The following B3GAT2 variants were observed in gnomAD, a reference collection of about 807,000 sequenced individuals.
The protein encoded by B3GAT2 is beta-1,3-glucuronyltransferase 2, also known as galactosylgalactosylxylosylprotein 3-beta-glucuronosyltransferase 2.
Under a neutral mutation model 27.8 loss-of-function variants are expected in B3GAT2, and 26 were observed. That is an observed-to-expected ratio of 0.93 (90% confidence interval 0.68 to 1.30). B3GAT2 has a LOEUF of 1.30. Ranked by LOEUF, B3GAT2 falls within the 50% of genes most tolerant of loss-of-function variation. The pLI is 0.00. For synonymous variants in B3GAT2, 218 were observed against 195.1 expected (o/e 1.12, Z -0.98); for missense variants, 458 against 459.0 (o/e 1.00, Z 0.02).
intron 1 of B3GAT2, among the ~76,000 whole-genome samples, chr6:70,939,648 CA>C (rs1765355295): frequency 7.0e-6 from 1 of 143,218 alleles, no homozygotes; most frequent in Non-Finnish European, 1.5e-5. Flanking sequence ...ATTGCAAGGA[CA>C]AAAAACCAAC....
intron 2 of B3GAT2, among the ~76,000 whole-genome samples, chr6:70,867,450 G>C (rs1478745509): frequency 1.3e-5 from 2 of 152,010 alleles, no homozygotes; most frequent in Non-Finnish European, 2.9e-5. Context: ...TCAGGAAAAA[G>C]AGAAGATATA....
At chr6:70,876,118 T>A (rs189528654) in intron 2 of B3GAT2, among the ~76,000 whole-genome samples, 1 of 152,082 alleles carries the variant, frequency 6.6e-6, no homozygotes, top group East Asian at 1.9e-4. Flanking sequence ...CATGGCAGAG[T>A]CAACATGCTT....
intron 2 of B3GAT2, among the ~76,000 whole-genome samples, chr6:70,885,890 A>C (rs950290088): frequency 6.6e-6 from 1 of 152,148 alleles, no homozygotes; most frequent in Admixed American, 6.5e-5. Context: ...GGACCCAAGG[A>C]TGAGTGATTC....
At chr6:70,917,860 G>T (rs138253861) in intron 1 of B3GAT2, among the ~76,000 whole-genome samples, 8 of 152,298 alleles carry the variant, frequency 5.3e-5, no homozygotes, top group African/African-American at 1.9e-4. Context: ...GGGCTGAGGA[G>T]AATGTATATT....
At chr6:70,877,990 C>T (rs1772041178) in intron 2 of B3GAT2, among the ~76,000 whole-genome samples, 1 of 152,150 alleles carries the variant, frequency 6.6e-6, no homozygotes, top group Non-Finnish European at 1.5e-5. Context: ...GATCTAACTC[C>T]ACTTTTTAAT....
intron 1 of B3GAT2, among the ~76,000 whole-genome samples, chr6:70,938,272 G>T (rs1582394033): frequency 8.1e-6 from 1 of 123,300 alleles, no homozygotes; most frequent in Non-Finnish European, 1.7e-5. Flanking sequence ...ACAAATGGAA[G>T]AACATTCCAT....
At chr6:70,869,957 T>C (rs1196539129) in intron 2 of B3GAT2, among the ~76,000 whole-genome samples, 1 of 152,124 alleles carries the variant, frequency 6.6e-6, no homozygotes, top group Non-Finnish European at 1.5e-5. Context: ...TGTAAACTAG[T>C]AAAACCATTG....
intron 1 of B3GAT2, among the ~76,000 whole-genome samples, chr6:70,897,663 A>G (rs1252739532): frequency 1.5e-5 from 1 of 65,846 alleles, no homozygotes; most frequent in Non-Finnish European, 2.7e-5. Context: ...TGCTTGAAAA[A>G]AAAAAAAATA....
chr6:70,923,485 G>A (rs931395451), intron 1 of B3GAT2, among the ~76,000 whole-genome samples: 2 of 152,122 alleles, frequency 1.3e-5, no homozygotes, highest in African/African-American at 2.4e-5. Context: ...GAGACCACCT[G>A]AGCAGTGTAG....
chr6:70,895,069 T>C (rs1238466317), intron 1 of B3GAT2, among the ~76,000 whole-genome samples: 2 of 152,152 alleles, frequency 1.3e-5, no homozygotes, highest in Non-Finnish European at 2.9e-5. Flanking sequence ...CATCTTAGCA[T>C]AAACTAGAAA....
Position 70,956,581 on chromosome 6 carries a change from C to G in B3GAT2, c.-152G>C. ...AGGGCGCTGCAGAGACCTGGAGCCGCGGGGCTCACTACCTGGGCGTGGAGG... is the reference window on the plus strand; with the variant it reads ...AGGGCGCTGCAGAGACCTGGAGCCGGGGGGCTCACTACCTGGGCGTGGAGG... On this transcript the variant is annotated 5_prime_UTR_variant, in exon 1 of 4. Transcript: ENST00000230053. 6.9e-7 allele frequency: 1 copy of G among 1,453,934 alleles called. No homozygotes were observed. The highest frequency in any genetic ancestry group is 9.0e-7 in the Non-Finnish European group (1 of 1,109,760). 90.1% of individuals were successfully genotyped at this position (1,453,934 alleles called of 1,614,324 possible).
intron 1 of B3GAT2, among the ~76,000 whole-genome samples, chr6:70,924,376 C>T (rs779422673): frequency 2.6e-5 from 4 of 152,034 alleles, no homozygotes; most frequent in Non-Finnish European, 5.9e-5. Context: ...CTATCAAAAT[C>T]CCAATGATGT....
chr6:70,926,323 C>T (rs1772957392), intron 1 of B3GAT2, among the ~76,000 whole-genome samples: 1 of 152,282 alleles, frequency 6.6e-6, no homozygotes, highest in Admixed American at 6.5e-5. Flanking sequence ...TGGAGAATGA[C>T]TTTAATGAGT....
At position 70,859,114 on chromosome 6, in the gene B3GAT2, G is replaced by GATT. The variant is rs1771577821; in HGVS notation, c.*2546_*2548dup. 1.4e-5 allele frequency: 6 copies of GATT among 430,126 alleles called. No individual in the cohort carries two copies. The South Asian group carries it at 2.3e-4, about 17-fold the overall frequency. 26.6% of individuals were successfully genotyped at this position (430,126 alleles called of 1,614,324 possible). On this transcript the variant is annotated 3_prime_UTR_variant, in exon 4 of 4. Transcript: ENST00000230053. The stretch of plus-strand genomic sequence containing the variant: ...GAGCATTCAGGGAATAGTCTAGAGT[G>GATT]ATTTCTAACATTAGCACAATCACTA...
intron 1 of B3GAT2, 110 bp from the exon 2 acceptor site, chr6:70,894,382 A>C: frequency 1.6e-6 from 2 of 1,229,028 alleles, no homozygotes; most frequent in Non-Finnish European, 2.2e-6. Context: ...AAGATTTCAA[A>C]AGCTGAAGGT....
intron 2 of B3GAT2, among the ~76,000 whole-genome samples, chr6:70,863,479 G>A (rs1030950319): frequency 3.3e-5 from 5 of 152,172 alleles, no homozygotes; most frequent in East Asian, 1.9e-4. Flanking sequence ...CCCCAGTATC[G>A]ATACCTCCAC....
intron 2 of B3GAT2, among the ~76,000 whole-genome samples, chr6:70,867,178 T>C (rs1381796742): frequency 1.3e-5 from 2 of 151,980 alleles, no homozygotes; most frequent in African/African-American, 4.8e-5. Flanking sequence ...AGTGTTTAGA[T>C]GGGAAACTAG....
chr6:70,867,208 A>C (rs374104161), intron 2 of B3GAT2, among the ~76,000 whole-genome samples: 2 of 152,074 alleles, frequency 1.3e-5, no homozygotes, highest in South Asian at 2.1e-4. Context: ...AACATTAAGC[A>C]CTTACTGGAT....
At chr6:70,878,300 T>G (rs1298369313) in intron 2 of B3GAT2, among the ~76,000 whole-genome samples, 1 of 152,242 alleles carries the variant, frequency 6.6e-6, no homozygotes. Context: ...TTTCTATTTT[T>G]ATCTATGTCT....
Sources: allele counts gnomAD v4.1 joint callset (sites outside exome capture counted in the v4.1 genomes callset), GRCh38; gene constraint gnomAD v4.1.1; transcripts MANE v1.5; gene names NCBI Gene and HGNC (gene_info 2026-07-23, HGNC 2026-07-21).